HECTD4: variants seen among roughly 807,000 people sequenced by gnomAD.
HECTD4 encodes the protein probable E3 ubiquitin-protein ligase HECTD4.
HECTD4 carries 114 observed loss-of-function variants against 471.5 expected under a neutral mutation model. The observed-to-expected ratio is 0.24, with a 90% CI of 0.21 to 0.28. The LOEUF is 0.28. HECTD4 is among the 10% of genes least tolerant of loss of function. HECTD4 has a pLI of 1.00. For missense variants in HECTD4, 3,866 were observed against 5,651.5 expected (o/e 0.68, Z 10.13); for synonymous variants, 2,012 against 2,256.0 (o/e 0.89, Z 3.07).
rs953672545 is a variant in HECTD4 at position 112,162,220 on chromosome 12, A to C, written c.*167T>G. 1 of 682,758 alleles carries C rather than the reference A, an allele frequency of 1.5e-6. No homozygotes were observed. Among genetic ancestry groups the C allele is most frequent in the Non-Finnish European group, 2.5e-6 (1 of 404,822 alleles). 42.3% of individuals were successfully genotyped at this position (682,758 alleles called of 1,614,324 possible). On this transcript the variant is annotated 3_prime_UTR_variant, in exon 76 of 76. Coordinates refer to ENST00000682272, the MANE Select transcript of HECTD4 (RefSeq NM_001388303.1). The surrounding 1 kb of genome is among the most constrained non-coding windows in gnomAD (Gnocchi z 5.2). ...AACCCATCACGAAACGTACAAAGAC[A>C]AAAGGTTAAGTCTTCCAGGAGGCCC...
At chr12:112,171,074 AC>A in intron 68 of HECTD4, 42 bp downstream of exon 68, 1 of 1,534,236 alleles carries the variant, frequency 6.5e-7, no homozygotes, top group Non-Finnish European at 8.9e-7. Context: ...CTTGCAGGTC[AC>A]CTCTCTCTTC....
At position 112,228,328 on chromosome 12, in the gene HECTD4, A is replaced by G. The variant is rs1319417034; in HGVS notation, c.6685-70T>C. On this transcript the variant is annotated intron_variant, in intron 42 of 75. Coordinates refer to ENST00000682272, the MANE Select transcript of HECTD4 (RefSeq NM_001388303.1). The surrounding 1 kb of genome is among the most constrained non-coding windows in gnomAD (Gnocchi z 4.9). ...TTAGTTTATAAGAAATGAGGGTGTT[A>G]TTATTATCTGGAGTTAATTCTTAAA... is the stretch of plus-strand genomic sequence containing the variant. 1.4e-6 allele frequency: 2 copies of G among 1,379,772 alleles called. No individual in the cohort carries two copies. Among genetic ancestry groups the G allele is most frequent in the Non-Finnish European group, 1.9e-6 (2 of 1,050,760 alleles). The allele number at this position is 1,379,772 out of a possible 1,614,324, so 85.5% of individuals were successfully genotyped here. A position where few individuals can be genotyped will look rare whatever the true frequency, so the allele number is the denominator to read the frequency against.
At chr12:112,298,916 C>T (rs1594023347) in intron 7 of HECTD4, among the ~76,000 whole-genome samples, 1 of 150,912 alleles carries the variant, frequency 6.6e-6, no homozygotes, top group South Asian at 2.1e-4. Flanking sequence ...GCTGGGGTTA[C>T]AGGCATGAGC....
In HECTD4 at chr12:112,224,616, C is replaced by T. The variant is rs1041424387; in HGVS notation, c.6970+2027G>A. Reference sequence around the variant, plus strand: ...ATACTATTTAGAATACAAATCAATACGCATAAGCTCATAGTCTTCTCTTTT... The same window carrying T: ...ATACTATTTAGAATACAAATCAATATGCATAAGCTCATAGTCTTCTCTTTT... On this transcript the variant is annotated intron_variant, in intron 44 of 75. Coordinates refer to ENST00000682272, the MANE Select transcript of HECTD4 (RefSeq NM_001388303.1). Among the ~76,000 whole-genome samples the T allele has an allele frequency of 6.5e-4, 99 of 152,268 alleles. 1 individual carries two copies. Among genetic ancestry groups the T allele is most frequent in the Middle Eastern group, 6.8e-3 (2 of 294 alleles).
Position 112,243,270 on chromosome 12 carries a change from C to T in HECTD4, c.4958+83G>A. Reference sequence around the variant, plus strand: ...GGAAAACATTAGCAAATACTACCGCCTATGTTTGGGTCCCAAGAATAATCT... The same window carrying T: ...GGAAAACATTAGCAAATACTACCGCTTATGTTTGGGTCCCAAGAATAATCT... On this transcript the variant is annotated intron_variant, in intron 32 of 75. Coordinates refer to ENST00000682272, the MANE Select transcript of HECTD4 (RefSeq NM_001388303.1). This position sits in a 1 kb window ranked among gnomAD's most constrained non-coding sequence, Gnocchi z 6.6. The T allele has an allele frequency of 2.5e-6, 3 of 1,222,816 alleles. No homozygotes were observed. Among genetic ancestry groups the T allele is most frequent in the South Asian group, 1.5e-5 (1 of 68,140 alleles). The allele number at this position is 1,222,816 out of a possible 1,614,324, so 75.7% of individuals were successfully genotyped here. A position where few individuals can be genotyped will look rare whatever the true frequency, so the allele number is the denominator to read the frequency against.
At position 112,270,307 on chromosome 12, in the gene HECTD4, T is replaced by C. The variant is rs1021451162; in HGVS notation, c.2095A>G (p.Ser699Gly). ...KQHPIEAHHL[S>G]SICDIMEKAM... Reference sequence around the variant, plus strand: ...TTCTCCATAATGTCACAAATACTGCTAAGATGATGTGCTTCAATTGGATGC... The same window carrying C: ...TTCTCCATAATGTCACAAATACTGCCAAGATGATGTGCTTCAATTGGATGC... Residue 699 changes from serine to glycine, a missense_variant, in exon 12 of 76, where the codon AGC becomes GGC. Ser to Gly is a moderately conservative substitution (Grantham distance 56). Coordinates refer to ENST00000682272, the MANE Select transcript of HECTD4 (RefSeq NM_001388303.1). 10 of 1,613,924 alleles carry C rather than the reference T, an allele frequency of 6.2e-6. No individual in the cohort carries two copies. The African/African-American group carries it at 1.2e-4, about 19-fold the overall frequency.
chr12:112,378,379 C>T (rs973426943), intron 1 of HECTD4, among the ~76,000 whole-genome samples: 3 of 145,362 alleles, frequency 2.1e-5, no homozygotes, highest in African/African-American at 5.2e-5. Context: ...CCACCACGCC[C>T]GGCTAATTTT....
Position 112,382,361 on chromosome 12 carries a change from C to A in HECTD4, c.-233G>T. 1 of 373,270 alleles carries A rather than the reference C, an allele frequency of 2.7e-6. No individual in the cohort carries two copies. Among genetic ancestry groups the A allele is most frequent in the Non-Finnish European group, 4.6e-6 (1 of 215,450 alleles). The allele number at this position is 373,270 out of a possible 1,614,324, so 23.1% of individuals were successfully genotyped here. ...CGCCGCCGCCGCCGCCGCCGCCGCC[C>A]TCAGGAGCAGGATCCGCCTCTGCCG... On this transcript the variant is annotated 5_prime_UTR_variant, in exon 1 of 76. In the 5' UTR this introduces an upstream ATG that the reference lacks. Coordinates refer to ENST00000682272, the MANE Select transcript of HECTD4 (RefSeq NM_001388303.1).
intron 55 of HECTD4, 145 bp from the exon 56 acceptor site, chr12:112,195,211 G>T: frequency 1.6e-6 from 1 of 639,670 alleles, no homozygotes; most frequent in Non-Finnish European, 2.6e-6. Flanking sequence ...GGAGTCACTT[G>T]AGTTTTAAAC....
At chr12:112,367,846 A>C (rs1011177558) in intron 1 of HECTD4, among the ~76,000 whole-genome samples, 37 of 150,638 alleles carry the variant, frequency 2.5e-4, no homozygotes, top group African/African-American at 8.3e-4. Context: ...AAAAAAAAAA[A>C]AACGCTAACA....
chr12:112,264,067 T>C lies in HECTD4; in HGVS notation c.2748+17A>G, dbSNP rs767418473. ...CACTGGGTAGAACGCATCGTTAAAATAAAGCTTGGTGTTTACCTGTACCTT... is the reference window on the plus strand; with the variant it reads ...CACTGGGTAGAACGCATCGTTAAAACAAAGCTTGGTGTTTACCTGTACCTT... On this transcript the variant is annotated intron_variant, in intron 17 of 75. Transcript: ENST00000682272. The C allele has an allele frequency of 1.9e-5, 31 of 1,604,210 alleles. No individual in the cohort carries two copies. In the East Asian group the frequency reaches 6.7e-4, roughly 35 times the overall value.
rs2033037679 is a variant in HECTD4 at position 112,219,755 on chromosome 12, G to A, written c.6971-266C>T. ...GCTGGGATTACAGGCACATGCCACC[G>A]CGCCCGGTTAATTTTTGTATTTTTA... is the stretch of plus-strand genomic sequence containing the variant. On this transcript the variant is annotated intron_variant, in intron 44 of 75. Coordinates refer to ENST00000682272, the MANE Select transcript of HECTD4 (RefSeq NM_001388303.1). Among the ~76,000 whole-genome samples the A allele has an allele frequency of 2.6e-5, 4 of 152,010 alleles. No individual in the cohort carries two copies. The South Asian group carries it at 6.3e-4, about 24-fold the overall frequency.
At position 112,381,992 on chromosome 12, in the gene HECTD4, T is replaced by C. The variant is rs1188047420; in HGVS notation, c.137A>G (p.Glu46Gly). The C allele has an allele frequency of 8.2e-7, 1 of 1,224,676 alleles. No homozygotes were observed. Among genetic ancestry groups the C allele is most frequent in the Non-Finnish European group, 1.0e-6 (1 of 983,490 alleles). 75.9% of individuals were successfully genotyped at this position (1,224,676 alleles called of 1,614,324 possible). The change falls in exon 1 of 76, where the codon GAG becomes GGG. Residue 46 changes from glutamate (E) to glycine (G), a missense_variant. Glu to Gly is a moderately conservative substitution (Grantham distance 98). Around this residue, in one of 16 missense-constraint regions of HECTD4, gnomAD observed 440 missense variants for 636.0 expected, o/e 0.69. Transcript: ENST00000682272. This position sits in a 1 kb window ranked among gnomAD's most constrained non-coding sequence, Gnocchi z 4.1. Reference protein sequence around the residue: ...RVTDLAELPSEILGAPEAADT... With the variant: ...RVTDLAELPSGILGAPEAADT... ...CGCGGCCTCTGGGGCCCCGAGGATCTCGCTGGGCAGCTCGGCCAGGTCGGT... is the reference window on the plus strand; with the variant it reads ...CGCGGCCTCTGGGGCCCCGAGGATCCCGCTGGGCAGCTCGGCCAGGTCGGT...
In HECTD4 at chr12:112,169,636, G is replaced by T. The variant is rs1243503118; in HGVS notation, c.12075C>A (p.Asn4025Lys). Residue 4025 changes from asparagine to lysine, a missense_variant, in exon 70 of 76, where the codon AAC becomes AAA. By Grantham distance (94) the Asn-to-Lys change is moderately conservative. Around this residue, in one of 16 missense-constraint regions of HECTD4, gnomAD observed 715 missense variants for 1,087.6 expected, o/e 0.66. Transcript: ENST00000682272. Reference protein sequence around the residue: ...IVGGEIRASENSYFCQAARQL... With the variant: ...IVGGEIRASEKSYFCQAARQL... Reference sequence around the variant, plus strand: ...GCCTGGCAGCCTGACAGAAGTAGGAGTTTTCAGAAGCTCTGATTTCCCCTG... The same window carrying T: ...GCCTGGCAGCCTGACAGAAGTAGGATTTTTCAGAAGCTCTGATTTCCCCTG... 1 of 1,613,330 alleles carries T rather than the reference G, an allele frequency of 6.2e-7. No individual in the cohort carries two copies. The highest frequency in any genetic ancestry group is 1.7e-5 in the Admixed American group (1 of 60,036).
intron 52 of HECTD4, among the ~76,000 whole-genome samples, chr12:112,205,293 G>T (rs1449219138): frequency 1.3e-5 from 2 of 152,026 alleles, no homozygotes; most frequent in African/African-American, 4.8e-5. Context: ...AATTAGCTGG[G>T]CATGGTAGCA....
At chr12:112,296,438 G>C (rs772278867) in intron 7 of HECTD4, among the ~76,000 whole-genome samples, 2 of 151,798 alleles carry the variant, frequency 1.3e-5, no homozygotes, top group African/African-American at 4.8e-5. Context: ...TGTAGGTGCA[G>C]TGGATGTAGA....
intron 54 of HECTD4, among the ~76,000 whole-genome samples, chr12:112,202,118 A>C (rs1393985998): frequency 6.6e-6 from 1 of 152,208 alleles, no homozygotes; most frequent in Non-Finnish European, 1.5e-5. Context: ...TTCCATTTGA[A>C]AGTTCACCTC....
intron 1 of HECTD4, among the ~76,000 whole-genome samples, chr12:112,369,172 A>C (rs1047394074): frequency 2.6e-5 from 4 of 152,122 alleles, no homozygotes; most frequent in African/African-American, 7.2e-5. Flanking sequence ...ATCAAGCCAC[A>C]AGAGAGGTGC....
At position 112,261,428 on chromosome 12, in the gene HECTD4, T is replaced by A. The variant is rs775862281; in HGVS notation, c.2750A>T (p.Glu917Val). 6.3e-7 allele frequency: 1 copy of A among 1,598,688 alleles called. No individual in the cohort carries two copies. The highest frequency in any genetic ancestry group is 8.6e-7 in the Non-Finnish European group (1 of 1,168,138). ...AAGAGCCAAAATACTGACTTTTAGC[T>A]CCTAGGCAGAAAATATCATCATATT... Reference protein sequence around the residue: ...SLQGETLKVQELKVSILALAT... With the variant: ...SLQGETLKVQVLKVSILALAT... Residue 917 changes from glutamate (E) to valine (V), a missense_variant and splice_region_variant, in exon 18 of 76, where the codon GAG becomes GTG. This residue lies in a region of HECTD4 where 525 missense variants were observed against 672.6 expected (regional missense o/e 0.78). Coordinates refer to ENST00000682272, the MANE Select transcript of HECTD4 (RefSeq NM_001388303.1).
Sources: gnomAD v4.1 joint callset for allele counts (sites outside exome capture counted in the v4.1 genomes callset) on GRCh38, gnomAD v4.1.1 for gene constraint, gnomAD v4.1.1 regional missense constraint, Gnocchi (gnomAD v3.1) non-coding constraint, MANE v1.5 for transcripts, NCBI Gene and HGNC (gene_info 2026-07-23, HGNC 2026-07-21) for gene names.